SH3D21: variants seen among roughly 807,000 people sequenced by gnomAD.
SH3D21 encodes the protein manchette microtubule inner protein 1.
Under a neutral mutation model 82.1 loss-of-function variants are expected in SH3D21, and 83 were observed. That is an observed-to-expected ratio of 1.01 (90% CI 0.85 to 1.21). The LOEUF is 1.21. Among genes scored for constraint, SH3D21 ranks in the 50% most tolerant of loss-of-function variants. The pLI, the probability that SH3D21 is intolerant of heterozygous loss-of-function variation, is 0.00. For synonymous variants in SH3D21, 383 were observed against 387.8 expected (o/e 0.99, Z 0.15); for missense variants, 980 against 962.1 (o/e 1.02, Z -0.25).
chr1:36,306,649 T>C lies in SH3D21; in HGVS notation c.56T>C (p.Leu19Pro), dbSNP rs1476938195. The C allele has an allele frequency of 7.7e-7, 1 of 1,301,336 alleles. No homozygotes were observed. The allele number at this position is 1,301,336 out of a possible 1,614,324, so 80.6% of individuals were successfully genotyped here. A position where few individuals can be genotyped will look rare whatever the true frequency, so the allele number is the denominator to read the frequency against. ...GCGCAGAAGGAGGACGAGCTGAGTC[T>C]GGCGCCCGGGGACGTGGTCCGGCAG... ...YRAQKEDELS[L>P]APGDVVRQVR... is the part of the protein sequence containing the mutation. The change falls in exon 2 of 16, where the codon CTG becomes CCG. Residue 19 changes from leucine to proline, a missense_variant. Coordinates refer to ENST00000453908, the MANE Select transcript of SH3D21 (RefSeq NM_001162530.2). The surrounding 1 kb of genome is among the most constrained non-coding windows in gnomAD (Gnocchi z 4.5).
At chr1:36,311,074 A>G (rs1646230210) in intron 10 of SH3D21, among the ~76,000 whole-genome samples, 1 of 151,552 alleles carries the variant, frequency 6.6e-6, no homozygotes, top group African/African-American at 2.4e-5. Context: ...ATGCCCGGCT[A>G]ATATTTTGTA....
At chr1:36,326,872 G>A (rs1159496777), downstream of SH3D21, among the ~76,000 whole-genome samples, 1 of 152,206 alleles carries the variant, frequency 6.6e-6, no homozygotes, top group Non-Finnish European at 1.5e-5. Context: ...AGGTTTGGGG[G>A]TAGTCAGTTT....
Position 36,320,158 on chromosome 1 carries a change from GATGACATTCA to G in SH3D21, c.1498_1507del (p.Asp500SerfsTer17). ...TTCTGAAGAAGAGGTGTCCACCAGA[GATGACATTCA>G]ATTCCATCACTTCTCTTCGGAGGAA... On this transcript the variant is annotated frameshift_variant, in exon 14 of 16. Coordinates refer to ENST00000453908, the MANE Select transcript of SH3D21 (RefSeq NM_001162530.2). LOFTEE classifies it high-confidence loss of function. The G allele has an allele frequency of 6.2e-7, 1 of 1,613,822 alleles. No individual in the cohort carries two copies. The highest frequency in any genetic ancestry group is 8.5e-7 in the Non-Finnish European group (1 of 1,180,034).
In SH3D21 at chr1:36,307,686, T is replaced by A; in HGVS notation, c.436+79T>A. On this transcript the variant is annotated intron_variant, in intron 5 of 15. Coordinates refer to ENST00000453908, the MANE Select transcript of SH3D21 (RefSeq NM_001162530.2). The surrounding 1 kb of genome is among the most constrained non-coding windows in gnomAD (Gnocchi z 5.4). ...GTGGCATGAGCCTGTGATTCACATA[T>A]CCTGACCCTGTGACCCCTCTGACCC... 6.5e-7 allele frequency: 1 copy of A among 1,539,832 alleles called. No homozygotes were observed.
Position 36,321,023 on chromosome 1 carries a change from C to A in SH3D21, c.2200-33C>A. The A allele has an allele frequency of 1.3e-6, 2 of 1,596,702 alleles. No homozygotes were observed. The highest frequency in any genetic ancestry group is 1.7e-6 in the Non-Finnish European group (2 of 1,172,162). On this transcript the variant is annotated intron_variant, in intron 15 of 15. Transcript: ENST00000453908. This position sits in a 1 kb window ranked among gnomAD's most constrained non-coding sequence, Gnocchi z 6.1. ...GGGAGGGGGCTGACGGCGAGTGGCC[C>A]CCTGACAAAGTCTCCACCTCACTCC...
chr1:36,328,188 T>C (rs1284003840), downstream of SH3D21: 10 of 453,568 alleles, frequency 2.2e-5, no homozygotes, highest in South Asian at 1.2e-4. Flanking sequence ...TGATGGAAGG[T>C]TGGGGGGCCG....
chr1:36,308,404 G>A lies in SH3D21; in HGVS notation c.655G>A (p.Gly219Ser). 6.4e-7 allele frequency: 1 copy of A among 1,551,948 alleles called. No individual in the cohort carries two copies. Among genetic ancestry groups the A allele is most frequent in the South Asian group, 1.2e-5 (1 of 84,066 alleles). The change falls in exon 9 of 16, where the codon GGC (glycine) becomes AGC (serine). Residue 219 changes from glycine (G) to serine (S), a missense_variant. Physicochemically the swap from Gly to Ser is moderately conservative, Grantham distance 56. Coordinates refer to ENST00000453908, the MANE Select transcript of SH3D21 (RefSeq NM_001162530.2). The part of the protein sequence containing the change: ...KVLSKTTEDK[G>S]WWEGECQGRR... ...TCTTTTCCAGACCACAGAGGATAAG[G>A]GCTGGTGGGAAGGAGAGTGTCAAGG...
chr1:36,312,664 G>T (rs1646263398), intron 10 of SH3D21, among the ~76,000 whole-genome samples: 1 of 152,144 alleles, frequency 6.6e-6, no homozygotes, highest in African/African-American at 2.4e-5. Flanking sequence ...TAGTGATGGT[G>T]AACATCATTG....
At chr1:36,328,451 G>A, downstream of SH3D21, 1 of 301,088 alleles carries the variant, frequency 3.3e-6, no homozygotes, top group South Asian at 3.1e-5. Context: ...CTGCTGGAAA[G>A]AGGGTACTGG....
rs1313725004 is a variant in SH3D21, at chr1:36,319,486, C to G, written c.961C>G (p.Arg321Gly). The G allele has an allele frequency of 6.4e-7, 1 of 1,551,574 alleles. No individual in the cohort carries two copies. Residue 321 changes from arginine (R) to glycine (G), a missense_variant, in exon 13 of 16, where the codon CGA becomes GGA. By Grantham distance (125) the Arg-to-Gly change is moderately radical. Transcript: ENST00000453908. Reference protein sequence around the residue: ...FQSGGSYHPGRKRSKTQTPQQ... With the variant: ...FQSGGSYHPGGKRSKTQTPQQ... ...AAGTGGGGGTTCGTATCACCCTGGCCGAAAGCGATCCAAAACCCAGACTCC... is the reference window on the plus strand; with the variant it reads ...AAGTGGGGGTTCGTATCACCCTGGCGGAAAGCGATCCAAAACCCAGACTCC...
chr1:36,328,419 A>G (rs950280897), downstream of SH3D21: 3 of 334,200 alleles, frequency 9.0e-6, no homozygotes, highest in African/African-American at 2.2e-5. Context: ...GAGTGTCCCC[A>G]TGACCCCAGC....
Position 36,319,819 on chromosome 1 carries a change from C to T in SH3D21, c.1156C>T (p.Pro386Ser). Residue 386 changes from proline to serine, a missense_variant, in exon 14 of 16, where the codon CCA becomes TCA. Physicochemically the swap from Pro to Ser is moderately conservative, Grantham distance 74 (BLOSUM62 -1). Transcript: ENST00000453908. Reference sequence around the variant, plus strand: ...CCCGGCTCCTGACAAAGTCCCCTCCCCAGAGAAGACCCTCACTCTAGGGGA... The same window carrying T: ...CCCGGCTCCTGACAAAGTCCCCTCCTCAGAGAAGACCCTCACTCTAGGGGA... The part of the protein sequence containing the change: ...KIPAPDKVPS[P>S]EKTLTLGDKA... The T allele has an allele frequency of 6.2e-7, 1 of 1,613,956 alleles. No individual in the cohort carries two copies.
chr1:36,320,407 C>T lies in SH3D21; in HGVS notation c.1744C>T (p.His582Tyr), dbSNP rs764229188. The change falls in exon 14 of 16, where the codon CAC (histidine) becomes TAC (tyrosine). Residue 582 changes from histidine to tyrosine, a missense_variant. Physicochemically the swap from His to Tyr is moderately conservative, Grantham distance 83. Transcript: ENST00000453908. Reference protein sequence around the residue: ...SRPALEKPHPHEEATTLPEEA... With the variant: ...SRPALEKPHPYEEATTLPEEA... ...GCCTGCCCTTGAGAAGCCCCACCCC[C>T]ACGAAGAGGCTACAACCCTTCCAGA... is the stretch of plus-strand genomic sequence containing the variant. The T allele has an allele frequency of 1.4e-5, 22 of 1,613,564 alleles. No individual in the cohort carries two copies. Among genetic ancestry groups the T allele is most frequent in the Non-Finnish European group, 1.8e-5 (21 of 1,179,864 alleles).
chr1:36,322,933 AG>A (rs762236255), downstream of SH3D21: 1 of 1,603,476 alleles, frequency 6.2e-7, no homozygotes, highest in Non-Finnish European at 8.5e-7. Flanking sequence ...TGGTCAGGGA[AG>A]GGTTCAGGCC....
At position 36,307,464 on chromosome 1, in the gene SH3D21, C is replaced by T; in HGVS notation, c.346-53C>T. On this transcript the variant is annotated intron_variant, in intron 4 of 15. Coordinates refer to ENST00000453908, the MANE Select transcript of SH3D21 (RefSeq NM_001162530.2). The surrounding 1 kb of genome is among the most constrained non-coding windows in gnomAD (Gnocchi z 5.4). ...GCAGAACCAAGGGTGGCAGATTATC[C>T]TAGGGACTCTTGGGGCAGAACCAGA... 6 of 1,539,670 alleles carry T rather than the reference C, an allele frequency of 3.9e-6. No homozygotes were observed. In the South Asian group the frequency reaches 4.8e-5, roughly 12 times the overall value.
At chr1:36,308,772 C>T (rs1646181650) in intron 9 of SH3D21, among the ~76,000 whole-genome samples, 1 of 152,140 alleles carries the variant, frequency 6.6e-6, no homozygotes, top group Non-Finnish European at 1.5e-5. Context: ...ATCACAAAGT[C>T]AGGAGTTCAA....
chr1:36,328,145 A>G (rs1369140181), downstream of SH3D21: 1 of 456,902 alleles, frequency 2.2e-6, no homozygotes, highest in Non-Finnish European at 4.4e-6. Context: ...CACGGAGAGT[A>G]CTGCTAAGAT....
rs772288500 is a variant in SH3D21, at chr1:36,319,851, C to G, written c.1188C>G (p.Ala396=). 2 of 1,613,770 alleles carry G rather than the reference C, an allele frequency of 1.2e-6. No homozygotes were observed. Among genetic ancestry groups the G allele is most frequent in the Admixed American group, 1.7e-5 (1 of 59,962 alleles). ...AGACCCTCACTCTAGGGGACAAGGC[C>G]TCTATCCCAGGGAACTCCACCTCGG... ...PEKTLTLGDK[A]SIPGNSTSGK... is the part of the protein sequence containing the mutation. Residue 396 remains alanine, a synonymous_variant, in exon 14 of 16, where the codon GCC becomes GCG. Coordinates refer to ENST00000453908, the MANE Select transcript of SH3D21 (RefSeq NM_001162530.2).
In SH3D21 at chr1:36,320,296, A is replaced by G; in HGVS notation, c.1633A>G (p.Arg545Gly). Residue 545 changes from arginine (R) to glycine (G), a missense_variant, in exon 14 of 16, where the codon AGG (arginine) becomes GGG (glycine). Physicochemically the swap from Arg to Gly is moderately radical, Grantham distance 125. Transcript: ENST00000453908. Reference protein sequence around the residue: ...APPPQPPSSERCLGEMKCTLV... With the variant: ...APPPQPPSSEGCLGEMKCTLV... ...CCCACCCCAGCCTCCTTCCTCAGAG[A>G]GGTGCCTGGGAGAGATGAAATGTAC... 1 of 1,612,706 alleles carries G rather than the reference A, an allele frequency of 6.2e-7. No individual in the cohort carries two copies. The highest frequency in any genetic ancestry group is 1.3e-5 in the African/African-American group (1 of 75,044).
Sources: allele counts gnomAD v4.1 joint callset (sites outside exome capture counted in the v4.1 genomes callset), GRCh38; gene constraint gnomAD v4.1.1; non-coding constraint Gnocchi (gnomAD v3.1); transcripts MANE v1.5; gene names NCBI Gene and HGNC (gene_info 2026-07-23, HGNC 2026-07-21).